The following TUT7 variants were observed in gnomAD, a reference collection of about 807,000 sequenced individuals.
TUT7 encodes terminal uridylyltransferase 7.
TUT7 carries 33 observed loss-of-function variants against 165.9 expected under a neutral mutation model. The ratio of observed to expected loss-of-function variants is 0.20; its 90% confidence interval spans 0.15 to 0.27. The LOEUF (loss-of-function observed/expected upper bound fraction) is 0.27, where lower values mean the gene tolerates loss of function less well. Ranked by LOEUF, TUT7 falls within the 10% of genes least tolerant of loss-of-function variation. TUT7 has a pLI of 1.00. For synonymous variants in TUT7, 552 were observed against 608.1 expected (o/e 0.91, Z 1.36); for missense variants, 1,338 against 1,762.3 (o/e 0.76, Z 4.31).
intron 2 of TUT7, among the ~76,000 whole-genome samples, chr9:86,350,422 C>G (rs1374627220): frequency 6.6e-6 from 1 of 152,222 alleles, no homozygotes; most frequent in African/African-American, 2.4e-5. Context: ...CACATCCCAC[C>G]TGGACAGTAA....
rs1827553464 is a variant in TUT7 at position 86,306,928 on chromosome 9, T to C, written c.3838+1501A>G. 3.3e-5 allele frequency among the ~76,000 whole-genome samples: 5 copies of C among 152,120 alleles called. No homozygotes were observed. The South Asian group carries it at 1.0e-3, about 31-fold the overall frequency. On this transcript the variant is annotated intron_variant, in intron 22 of 26. Coordinates refer to ENST00000375963, the MANE Select transcript of TUT7 (RefSeq NM_024617.4). ...TTACTAACTGCTTGTCTGAAAGTAA[T>C]GTAAGAATTAGAAGCAAAAGATAAT...
At chr9:86,340,561 C>A (rs1235364205) in intron 7 of TUT7, among the ~76,000 whole-genome samples, 1 of 152,184 alleles carries the variant, frequency 6.6e-6, no homozygotes, top group Non-Finnish European at 1.5e-5. Context: ...AGCCATAAAG[C>A]CCCAAGCTGG....
chr9:86,340,577 G>A (rs1379389991), intron 7 of TUT7, among the ~76,000 whole-genome samples: 1 of 152,202 alleles, frequency 6.6e-6, no homozygotes, highest in Admixed American at 6.5e-5. Context: ...GCTGGACATT[G>A]TATTAGACAA....
intron 24 of TUT7, 71 bp from the exon 25 acceptor site, chr9:86,303,272 TA>T: frequency 1.5e-6 from 1 of 664,000 alleles, no homozygotes; most frequent in Middle Eastern, 2.6e-4. Context: ...AACCAGATAT[TA>T]AACAGTTATC....
At chr9:86,321,515 G>A (rs1306957685) in intron 14 of TUT7, among the ~76,000 whole-genome samples, 1 of 152,140 alleles carries the variant, frequency 6.6e-6, no homozygotes, top group African/African-American at 2.4e-5. Flanking sequence ...AATCACTTGA[G>A]GTCAGGAGTT....
At chr9:86,340,967 C>G in intron 7 of TUT7, 35 bp downstream of exon 7, 1 of 1,532,382 alleles carries the variant, frequency 6.5e-7, no homozygotes, top group Non-Finnish European at 9.0e-7. Context: ...TTATAGACAA[C>G]ATAAAAATTT....
At chr9:86,350,010 A>G (rs780582833) in intron 2 of TUT7, among the ~76,000 whole-genome samples, 3 of 152,188 alleles carry the variant, frequency 2.0e-5, no homozygotes, top group Admixed American at 1.3e-4. Flanking sequence ...GTCTAGTTGC[A>G]AATTTTTGAT....
intron 26 of TUT7, among the ~76,000 whole-genome samples, chr9:86,294,953 A>T (rs1204335102): frequency 6.6e-6 from 1 of 152,018 alleles, no homozygotes; most frequent in Non-Finnish European, 1.5e-5. Context: ...CTCAATATAG[A>T]AGATATTTTC....
At chr9:86,343,026 A>G (rs774682503) in intron 6 of TUT7, 49 bp downstream of exon 6, 6 of 1,220,938 alleles carry the variant, frequency 4.9e-6, no homozygotes, top group Non-Finnish European at 7.2e-6. Flanking sequence ...TTTGTAAGAA[A>G]GAATTTCCAT....
At chr9:86,321,495 CAGTT>C (rs1217843924) in intron 14 of TUT7, among the ~76,000 whole-genome samples, 2 of 151,916 alleles carry the variant, frequency 1.3e-5, no homozygotes, top group African/African-American at 4.8e-5. Context: ...TTCGGAGACT[CAGTT>C]GGATGAATCA....
At chr9:86,289,147 G>A (rs1383331177) in intron 26 of TUT7, among the ~76,000 whole-genome samples, 5 of 152,144 alleles carry the variant, frequency 3.3e-5, no homozygotes, top group South Asian at 2.1e-4. Flanking sequence ...CTGCAGATAC[G>A]AAGCTGTGGA....
In TUT7 at chr9:86,304,973, T is replaced by C. The variant is rs1827320462; in HGVS notation, c.3887-26A>G. On this transcript the variant is annotated intron_variant, in intron 23 of 26. Transcript: ENST00000375963. The stretch of plus-strand genomic sequence containing the variant: ...CTAAAAAGAAGAGTAAGAACTCACT[T>C]AGGCGGGTTAAAAGGAAAAGAGATT... 2.0e-6 allele frequency: 3 copies of C among 1,507,992 alleles called. No individual in the cohort carries two copies. The South Asian group carries it at 3.5e-5, about 18-fold the overall frequency. The allele number at this position is 1,507,992 out of a possible 1,614,324, so 93.4% of individuals were successfully genotyped here.
intron 10 of TUT7, among the ~76,000 whole-genome samples, chr9:86,334,454 T>A (rs1389863052): frequency 2.6e-5 from 4 of 152,150 alleles, no homozygotes; most frequent in Non-Finnish European, 4.4e-5. Flanking sequence ...ACTTTAAATT[T>A]TTCTACCCTA....
intron 2 of TUT7, among the ~76,000 whole-genome samples, chr9:86,347,387 C>T (rs766977358): frequency 7.9e-5 from 12 of 152,092 alleles, no homozygotes; most frequent in South Asian, 2.1e-4. Context: ...TAACTTATAT[C>T]GAGTTTTAAA....
In TUT7 at chr9:86,323,514, T is replaced by A; in HGVS notation, c.2236A>T (p.Thr746Ser). 6.2e-7 allele frequency: 1 copy of A among 1,614,234 alleles called. No homozygotes were observed. Among genetic ancestry groups the A allele is most frequent in the Non-Finnish European group, 8.5e-7 (1 of 1,180,038 alleles). Residue 746 changes from threonine to serine, a missense_variant, in exon 13 of 27, where the codon ACA becomes TCA. Physicochemically the swap from Thr to Ser is moderately conservative, Grantham distance 58. This residue lies in a region of TUT7 where 425 missense variants were observed against 474.9 expected (regional missense o/e 0.89). Transcript: ENST00000375963. ...TTCTCTTTCTCGTTTTTCCTTCCTG[T>A]TTCTGGATGGTATACTTTATCACCC... ...YKGDKVYHPE[T>S]GRKNEKEKVG...
At chr9:86,352,654 T>C in intron 2 of TUT7, 26 bp downstream of exon 2, 1 of 1,613,652 alleles carries the variant, frequency 6.2e-7, no homozygotes, top group Non-Finnish European at 8.5e-7. Context: ...TCTGGGGTTG[T>C]GATCTGACAA....
chr9:86,296,792 G>A (rs1826368105), intron 26 of TUT7, among the ~76,000 whole-genome samples: 1 of 152,116 alleles, frequency 6.6e-6, no homozygotes, highest in Non-Finnish European at 1.5e-5. Context: ...TTAATACTAT[G>A]GAAAGGAAGA....
At chr9:86,339,919 G>T in intron 8 of TUT7, 117 bp downstream of exon 8, 1 of 763,670 alleles carries the variant, frequency 1.3e-6, no homozygotes, top group Non-Finnish European at 2.3e-6. Context: ...TAGGAACCAT[G>T]TGTGATAACC....
At chr9:86,322,187 G>A (rs529693735) in intron 14 of TUT7, 138 bp downstream of exon 14, 104 of 699,452 alleles carry the variant, frequency 1.5e-4, no homozygotes, top group South Asian at 1.9e-4. Context: ...GACATGGAAC[G>A]CTTGAGGATA....
Sources: allele counts gnomAD v4.1 joint callset (sites outside exome capture counted in the v4.1 genomes callset), GRCh38; gene constraint gnomAD v4.1.1; regional missense constraint gnomAD v4.1.1; transcripts MANE v1.5; gene names NCBI Gene and HGNC (gene_info 2026-07-23, HGNC 2026-07-21).